The following TMEM276 variants were observed in gnomAD, a reference collection of about 807,000 sequenced individuals.
TMEM276 encodes transmembrane protein 276.
At chr8:144,466,862 CGG>C in the TMEM276 span, 1 of 1,536,586 alleles carries the variant, frequency 6.5e-7, no homozygotes, top group South Asian at 1.2e-5. Context: ...GGGAGTCCCG[CGG>C]TGCGAGGGCG....
At chr8:144,466,012 CGGGGCTGAGATGGGCG>C in the TMEM276 span, 1 of 530 alleles carries the variant, frequency 1.9e-3, no homozygotes, top group Non-Finnish European at 4.3e-3. Flanking sequence ...GGGGTCTGGG[CGGGGCTGAGATGGGCG>C]GGGCTGAGAT....
At chr8:144,464,371 C>A in the TMEM276 span, 1 of 1,610,718 alleles carries the variant, frequency 6.2e-7, no homozygotes, top group Non-Finnish European at 8.5e-7. Context: ...AGCCACAGAG[C>A]GGCCCTCAGG....
the TMEM276 span, chr8:144,466,515 C>G: frequency 3.1e-6 from 4 of 1,281,802 alleles, no homozygotes; most frequent in Non-Finnish European, 4.0e-6. Context: ...GGGACCCCGC[C>G]CAGGTGAGCG....
the TMEM276 span, chr8:144,466,426 G>C: frequency 7.5e-7 from 1 of 1,339,532 alleles, no homozygotes; most frequent in Non-Finnish European, 9.7e-7. Flanking sequence ...TCCCATGTAC[G>C]CCTTTTACTC....
At chr8:144,463,988 T>C in the TMEM276 span, 1 of 1,513,040 alleles carries the variant, frequency 6.6e-7, no homozygotes, top group Admixed American at 2.2e-5. Flanking sequence ...ACCCAGACTC[T>C]GCCCCTGACC....
At chr8:144,465,384 G>C in the TMEM276 span, 25 of 1,031,170 alleles carry the variant, frequency 2.4e-5, no homozygotes, top group South Asian at 2.6e-4. Flanking sequence ...AGCGGCGAGC[G>C]GGAGGCCCGA....
At chr8:144,464,275 G>GC in the TMEM276 span, 4,264 of 1,606,034 alleles carry the variant, frequency 2.7e-3, 6 homozygotes, top group African/African-American at 5.0e-3. Flanking sequence ...ACCCAGCATC[G>GC]CCCCCCCCCA....
At chr8:144,465,572 TG>T in the TMEM276 span, 7 of 39,566 alleles carry the variant, frequency 1.8e-4, no homozygotes, top group South Asian at 2.1e-3. Flanking sequence ...GGTCGAGACC[TG>T]GGGGGGGCCG....
the TMEM276 span, chr8:144,464,069 G>T: frequency 6.4e-7 from 1 of 1,560,934 alleles, no homozygotes; most frequent in Non-Finnish European, 8.7e-7. Flanking sequence ...CCAGGAGCAG[G>T]CAGGTGGGAG....
chr8:144,465,226 C>T, the TMEM276 span: 1 of 1,188,422 alleles, frequency 8.4e-7, no homozygotes, highest in South Asian at 1.6e-5. Flanking sequence ...GAGAGAGCGG[C>T]GAGGCGCTGC....
the TMEM276 span, chr8:144,464,898 C>A: frequency 1.2e-6 from 2 of 1,611,740 alleles, no homozygotes; most frequent in Non-Finnish European, 1.7e-6. Context: ...GGCTTGGGGG[C>A]CATGGCACCT....
the TMEM276 span, chr8:144,464,837 G>A: frequency 1.9e-6 from 3 of 1,612,888 alleles, no homozygotes; most frequent in Admixed American, 1.7e-5. Context: ...TGCGTGCAGA[G>A]ACACCACTCC....
the TMEM276 span, chr8:144,466,631 GGACCCTCGGCTCGGCC>G: frequency 1.1e-6 from 1 of 915,744 alleles, no homozygotes; most frequent in Admixed American, 4.2e-5. Context: ...GCCGTGCCGA[GGACCCTCGGCTCGGCC>G]CCGATGCTGG....
At chr8:144,464,332 A>C in the TMEM276 span, 3 of 1,612,290 alleles carry the variant, frequency 1.9e-6, no homozygotes, top group Non-Finnish European at 2.5e-6. Context: ...GAGGATGGTC[A>C]CTGCGACCAC....
At chr8:144,466,402 C>G in the TMEM276 span, 12 of 1,202,390 alleles carry the variant, frequency 1.0e-5, no homozygotes, top group African/African-American at 1.6e-4. Flanking sequence ...GCGGGGCCCT[C>G]TGCCGCCCCG....
the TMEM276 span, chr8:144,465,092 C>T: frequency 6.6e-7 from 1 of 1,518,856 alleles, no homozygotes; most frequent in African/African-American, 1.4e-5. Flanking sequence ...GGCCACTGCA[C>T]ACACCTGTGG....
At chr8:144,466,952 C>G in the TMEM276 span, 7 of 1,590,084 alleles carry the variant, frequency 4.4e-6, no homozygotes, top group South Asian at 5.6e-5. Flanking sequence ...TCCTCCCTGA[C>G]CGGCAGCCAG....
the TMEM276 span, chr8:144,464,771 T>C: frequency 4.3e-5 from 70 of 1,609,450 alleles, no homozygotes; most frequent in African/African-American, 9.1e-4. Flanking sequence ...GTTTGGGAGG[T>C]ATGGGGATGC....
At chr8:144,464,139 G>A in the TMEM276 span, 7 of 1,609,650 alleles carry the variant, frequency 4.3e-6, no homozygotes, top group African/African-American at 1.3e-5. Flanking sequence ...ACTCCCACTG[G>A]AGGCGCTGTG....
Sources: gnomAD v4.1 joint callset for allele counts on GRCh38, gnomAD v4.1.1 for gene constraint, MANE v1.5 for transcripts, NCBI Gene and HGNC (gene_info 2026-07-23, HGNC 2026-07-21) for gene names.